Variants in EDA observed in about 807,000 individuals in gnomAD.
EDA encodes ectodysplasin-A.
In EDA, 2 loss-of-function variants were observed where a neutral mutation model predicts 23.6. That is an observed-to-expected ratio of 0.08 (90% CI 0.03 to 0.27). The LOEUF is 0.27. EDA is among the 10% of genes least tolerant of loss of function. The pLI is 1.00. For missense variants in EDA, 229 were observed against 324.2 expected (o/e 0.71, Z 2.26); for synonymous variants, 131 against 132.0 (o/e 0.99, Z 0.05).
chrX:69,756,825 A>T (rs1158765019), intron 1 of EDA: 1 of 111,810 alleles, frequency 8.9e-6, no homozygotes, highest in Non-Finnish European at 1.9e-5. Context: ...CCCCAATTCC[A>T]TACCAGCTAG....
intron 1 of EDA, among the ~76,000 whole-genome samples, chrX:69,698,808 G>A (rs1322476263): frequency 1.8e-5 from 2 of 110,908 alleles, no homozygotes; most frequent in Non-Finnish European, 3.8e-5. Flanking sequence ...ATGTAGAGAC[G>A]CCTTGGGTAA....
intron 1 of EDA, among the ~76,000 whole-genome samples, chrX:69,753,027 G>A (rs768016106): frequency 7.5e-4 from 83 of 111,290 alleles, no homozygotes; most frequent in Non-Finnish European, 1.4e-3. Context: ...CAAAAAACCA[G>A]CTCCTGGATT....
Position 69,786,884 on chromosome X carries a change from A to G in EDA, c.397-170143A>G, listed in dbSNP as rs1020017934. ...TCTCATTGATCTGTCTGATGTTGAC[A>G]GTGGGGTGTTAAAGTCTCCCATTAT... is the stretch of plus-strand genomic sequence containing the variant. On this transcript the variant is annotated intron_variant, in intron 1 of 7. Transcript: ENST00000374552. Among the ~76,000 whole-genome samples, 128 of 108,338 alleles carry G rather than the reference A, an allele frequency of 1.2e-3. 1 individual carries two copies. Among genetic ancestry groups the G allele is most frequent in the Non-Finnish European group, 2.0e-3 (103 of 51,786 alleles). The allele number at this position is 108,338 out of a possible 115,157, so 94.1% of individuals were successfully genotyped here. A position where few individuals can be genotyped will look rare whatever the true frequency, so the allele number is the denominator to read the frequency against.
intron 1 of EDA, among the ~76,000 whole-genome samples, chrX:69,923,143 G>C (rs1239780293): frequency 1.8e-5 from 2 of 111,606 alleles, no homozygotes; most frequent in Non-Finnish European, 3.8e-5. Context: ...ACAACTGTTA[G>C]TTGTATCTGA....
intron 1 of EDA, among the ~76,000 whole-genome samples, chrX:69,813,273 A>G (rs1197556278): frequency 9.0e-6 from 1 of 111,425 alleles, no homozygotes; most frequent in Admixed American, 9.6e-5. Context: ...CTGCATTTCT[A>G]CCTAACTATT....
intron 1 of EDA, among the ~76,000 whole-genome samples, chrX:69,681,097 A>G (rs1385400577): frequency 1.8e-5 from 2 of 110,625 alleles, no homozygotes; most frequent in Non-Finnish European, 3.8e-5. Context: ...GTTTGGCTGG[A>G]TATGAAATTC....
chrX:70,009,672 C>T (rs564161318), intron 2 of EDA, among the ~76,000 whole-genome samples: 2 of 111,235 alleles, frequency 1.8e-5, no homozygotes, highest in African/African-American at 6.6e-5. Flanking sequence ...CTGCAACGTC[C>T]GCCTCCCAGG....
In EDA at chrX:69,860,876, C is replaced by G. The variant is rs1455781041; in HGVS notation, c.397-96151C>G. 7.6e-6 allele frequency: 4 copies of G among 522,952 alleles called. No individual in the cohort carries two copies. The African/African-American group carries it at 9.3e-5, about 12-fold the overall frequency. 43.1% of individuals were successfully genotyped at this position (522,952 alleles called of 1,213,427 possible). Reference sequence around the variant, plus strand: ...TTTCAGGGACACCAATGAGTTGTGTCTTCCCTCTGTCCACTCTCAGCACCT... The same window carrying G: ...TTTCAGGGACACCAATGAGTTGTGTGTTCCCTCTGTCCACTCTCAGCACCT... On this transcript the variant is annotated intron_variant, in intron 1 of 7. Coordinates refer to ENST00000374552, the MANE Select transcript of EDA (RefSeq NM_001399.5).
chrX:69,719,122 T>TA (rs2012466740), intron 1 of EDA, among the ~76,000 whole-genome samples: 1 of 111,346 alleles, frequency 9.0e-6, no homozygotes, highest in Admixed American at 9.6e-5. Context: ...TTTTTAATGG[T>TA]TGTAGGATCT....
intron 1 of EDA, among the ~76,000 whole-genome samples, chrX:69,848,862 C>T (rs1371896591): frequency 1.8e-5 from 2 of 110,748 alleles, no homozygotes; most frequent in Non-Finnish European, 3.8e-5. Flanking sequence ...TTTGTGAAGC[C>T]GTCATATGTG....
chrX:70,029,417 G>A, intron 4 of EDA, 87 bp from the exon 5 acceptor site: 2 of 1,070,079 alleles, frequency 1.9e-6, no homozygotes, highest in Non-Finnish European at 1.3e-6. Flanking sequence ...GCTGCAGGGA[G>A]CATGGCTCAC....
intron 1 of EDA, among the ~76,000 whole-genome samples, chrX:69,821,235 G>A (rs2016213402): frequency 1.0e-5 from 1 of 98,374 alleles, no homozygotes; most frequent in East Asian, 3.6e-4. Context: ...ACACACTGGG[G>A]CCTACTGGGG....
At chrX:69,731,534 C>T (rs762178642) in intron 1 of EDA, among the ~76,000 whole-genome samples, 183 of 109,841 alleles carry the variant, frequency 1.7e-3, no homozygotes, top group Non-Finnish European at 3.2e-3. Context: ...CTCCGCCTCC[C>T]GGGTTCAAGC....
intron 1 of EDA, among the ~76,000 whole-genome samples, chrX:69,637,484 T>C (rs1932790784): frequency 9.0e-6 from 1 of 111,290 alleles, no homozygotes; most frequent in African/African-American, 3.3e-5. Flanking sequence ...TTGGGTTCTG[T>C]AACTGACCTG....
intron 2 of EDA, among the ~76,000 whole-genome samples, chrX:69,990,090 C>G (rs933430115): frequency 2.7e-5 from 3 of 110,471 alleles, no homozygotes; most frequent in African/African-American, 9.9e-5. Flanking sequence ...TTTCTTCATT[C>G]AGTTCGACAT....
At chrX:69,699,314 G>T (rs1170505306) in intron 1 of EDA, among the ~76,000 whole-genome samples, 1 of 111,250 alleles carries the variant, frequency 9.0e-6, no homozygotes, top group Non-Finnish European at 1.9e-5. Flanking sequence ...AAGGTTTTGG[G>T]CTTGGTAGTC....
chrX:69,860,421 G>A (rs1366114911), intron 1 of EDA, among the ~76,000 whole-genome samples: 1 of 111,717 alleles, frequency 9.0e-6, no homozygotes, highest in African/African-American at 3.3e-5. Context: ...AGGCAGGTTT[G>A]GTGGTAACAA....
rs191357115 is a variant in EDA, at chrX:69,996,533, A to G, written c.503-26685A>G. 3.8e-3 allele frequency among the ~76,000 whole-genome samples: 423 copies of G among 112,593 alleles called. 4 individuals are homozygous for G. The highest frequency in any genetic ancestry group is 6.4e-3 in the Non-Finnish European group (343 of 53,286). On this transcript the variant is annotated intron_variant, in intron 2 of 7. Transcript: ENST00000374552. Reference sequence around the variant, plus strand: ...CCCATAAGAGGTCCATTTCAGTTACAGCTATGCATTAAAAATGAAGATATG... The same window carrying G: ...CCCATAAGAGGTCCATTTCAGTTACGGCTATGCATTAAAAATGAAGATATG...
chrX:69,960,230 G>A (rs770562992), intron 2 of EDA, among the ~76,000 whole-genome samples: 1 of 111,575 alleles, frequency 9.0e-6, no homozygotes, highest in Admixed American at 9.6e-5. Context: ...GACCAGGATG[G>A]AAGCAGTGTG....
Sources: allele counts gnomAD v4.1 joint callset (sites outside exome capture counted in the v4.1 genomes callset), GRCh38; gene constraint gnomAD v4.1.1; transcripts MANE v1.5; gene names NCBI Gene and HGNC (gene_info 2026-07-23, HGNC 2026-07-21).